The following IL6ST variants were observed in gnomAD, a reference collection of about 807,000 sequenced individuals.
IL6ST encodes the protein interleukin-6 receptor subunit beta.
A neutral mutation model predicts 91.3 loss-of-function variants in IL6ST; 24 were observed. That is an observed-to-expected ratio of 0.26 (90% CI 0.19 to 0.37). IL6ST has a LOEUF of 0.37. IL6ST is among the 10% of genes least tolerant of loss of function. The pLI is 1.00. For synonymous variants in IL6ST, 351 were observed against 373.6 expected (o/e 0.94, Z 0.70); for missense variants, 914 against 1,078.5 (o/e 0.85, Z 2.14).
Position 55,941,189 on chromosome 5 carries a change from G to T in IL6ST, c.2650C>A (p.Gln884Lys). 6.2e-7 allele frequency: 1 copy of T among 1,614,052 alleles called. No homozygotes were observed. Among genetic ancestry groups the T allele is most frequent in the Non-Finnish European group, 8.5e-7 (1 of 1,179,978 alleles). ...CCAACTGTTTCAAATCTTTCTACTT[G>T]TCCCTCAGTACCTGGACCAAAAGCA... ...ADAFGPGTEG[Q>K]VERFETVGME... Residue 884 changes from glutamine (Q) to lysine (K), a missense_variant, in exon 17 of 17, where the codon CAA becomes AAA. Physicochemically the swap from Gln to Lys is moderately conservative, Grantham distance 53. Transcript: ENST00000381298.
rs10059929 is a variant in IL6ST, at chr5:55,966,485, T to C, written c.491+1791A>G. Among the ~76,000 whole-genome samples the C allele has an allele frequency of 2.9e-3, 434 of 152,276 alleles. 5 individuals are homozygous for C. Among genetic ancestry groups the C allele is most frequent in the African/African-American group, 0.01 (420 of 41,542 alleles). ...AAACTCACTGAATGATACACTAAGA[T>C]TTGTGTTTTCACTATATGTAAATTT... On this transcript the variant is annotated intron_variant, in intron 5 of 16. Coordinates refer to ENST00000381298, the MANE Select transcript of IL6ST (RefSeq NM_002184.4).
intron 15 of IL6ST, among the ~76,000 whole-genome samples, 170 bp downstream of exon 15, chr5:55,947,322 TA>T (rs1262002612): frequency 6.6e-6 from 1 of 152,124 alleles, no homozygotes; most frequent in Non-Finnish European, 1.5e-5. Context: ...AAGGAAGCTT[TA>T]TAAAAGTGAT....
chr5:55,956,529 G>A (rs1751985566), intron 9 of IL6ST, among the ~76,000 whole-genome samples: 1 of 152,130 alleles, frequency 6.6e-6, no homozygotes, highest in Non-Finnish European at 1.5e-5. Flanking sequence ...TTTTATGCTT[G>A]AGTATTTTTC....
At position 55,951,576 on chromosome 5, in the gene IL6ST, TTC is replaced by T; in HGVS notation, c.1726_1727del (p.Glu576IlefsTer8). On this transcript the variant is annotated frameshift_variant, in exon 14 of 17. Coordinates refer to ENST00000381298, the MANE Select transcript of IL6ST (RefSeq NM_002184.4). LOFTEE classifies it high-confidence loss of function. ...CACTAGTCAAAGAGGACAATGTATA[TTC>T]TGTGTGGGAAGAATCCACATTCACA... is the stretch of plus-strand genomic sequence containing the variant. ...TAVNVDSSHT[E>X]YTLSSLTSDT... 6.2e-7 allele frequency: 1 copy of T among 1,612,542 alleles called. No homozygotes were observed. The highest frequency in any genetic ancestry group is 8.5e-7 in the Non-Finnish European group (1 of 1,179,140).
intron 5 of IL6ST, among the ~76,000 whole-genome samples, chr5:55,965,746 C>T (rs1752592918): frequency 6.7e-6 from 1 of 149,764 alleles, no homozygotes; most frequent in African/African-American, 2.5e-5. Context: ...ATCCCAGCCA[C>T]TCGGGAGGCA....
In IL6ST at chr5:55,963,475, C is replaced by T; in HGVS notation, c.690G>A (p.Val230=). 2 of 1,609,726 alleles carry T rather than the reference C, an allele frequency of 1.2e-6. No individual in the cohort carries two copies. Among genetic ancestry groups the T allele is most frequent in the Non-Finnish European group, 1.7e-6 (2 of 1,177,710 alleles). The change falls in exon 7 of 17, where the codon GTG becomes GTA. Residue 230 remains valine, a synonymous_variant. Transcript: ENST00000381298. ...VKPNPPHNLS[V]INSEELSSIL... ...TACTAGACAGTTCCTCTGAGTTGAT[C>T]ACTGATAAATTATGTGGCGGATTGG...
At chr5:55,957,376 T>C (rs1288526609) in intron 8 of IL6ST, 85 bp from the exon 9 acceptor site, 1 of 681,890 alleles carries the variant, frequency 1.5e-6, no homozygotes, top group East Asian at 3.0e-5. Flanking sequence ...ACTTTGTTCT[T>C]AATACTCTTG....
rs1217239047 is a variant in IL6ST at position 55,941,451 on chromosome 5, T to C, written c.2388A>G (p.Leu796=). 5 of 1,614,084 alleles carry C rather than the reference T, an allele frequency of 3.1e-6. No homozygotes were observed. Among genetic ancestry groups the C allele is most frequent in the Non-Finnish European group, 2.5e-6 (3 of 1,180,028 alleles). Residue 796 remains leucine, a synonymous_variant, in exon 17 of 17, where the codon CTA becomes CTG. Coordinates refer to ENST00000381298, the MANE Select transcript of IL6ST (RefSeq NM_002184.4). ...LLDSEERPED[L]QLVDHVDGGD... ...CGCCATCTACATGATCTACTAATTG[T>C]AGATCTTCTGGCCGCTCCTCTGAAT...
rs1231410805 is a variant in IL6ST, at chr5:55,959,622, T to C, written c.973+780A>G. 31 of 1,291,698 alleles carry C rather than the reference T, an allele frequency of 2.4e-5. No individual in the cohort carries two copies. In the Admixed American group the frequency reaches 7.1e-4, roughly 30 times the overall value. The allele number at this position is 1,291,698 out of a possible 1,614,324, so 80.0% of individuals were successfully genotyped here. A position where few individuals can be genotyped will look rare whatever the true frequency, so the allele number is the denominator to read the frequency against. ...TAGGAGAAAAAAGGAAAATAAAAAC[T>C]AACCAACCAAAATTCCAGGATCAAC... On this transcript the variant is annotated intron_variant, in intron 8 of 16. Coordinates refer to ENST00000381298, the MANE Select transcript of IL6ST (RefSeq NM_002184.4).
At chr5:55,963,025 C>T (rs1752413102) in intron 7 of IL6ST, among the ~76,000 whole-genome samples, 1 of 151,424 alleles carries the variant, frequency 6.6e-6, no homozygotes, top group South Asian at 2.1e-4. Context: ...AGGAGGATCA[C>T]TTAAGCTCGA....
rs544901552 is a variant in IL6ST at position 55,982,643 on chromosome 5, T to A, written c.-16+81A>T. On this transcript the variant is annotated intron_variant, in intron 2 of 16. Coordinates refer to ENST00000381298, the MANE Select transcript of IL6ST (RefSeq NM_002184.4). ...TTTAGTCTCCTAATATCCTAAAGAA[T>A]CAGGTGAGTAGGGCAGGGATTATTT... The A allele has an allele frequency of 4.5e-5, 18 of 396,440 alleles. No individual in the cohort carries two copies. The Admixed American group carries it at 7.9e-4, about 17-fold the overall frequency. 24.6% of individuals were successfully genotyped at this position (396,440 alleles called of 1,614,324 possible).
rs902528081 is a variant in IL6ST, at chr5:55,937,777, C to CT, written c.*3304dup. 2 of 192,112 alleles carry CT rather than the reference C, an allele frequency of 1.0e-5. No individual in the cohort carries two copies. Among genetic ancestry groups the CT allele is most frequent in the African/African-American group, 2.3e-5 (1 of 43,058 alleles). The allele number at this position is 192,112 out of a possible 1,614,324, so 11.9% of individuals were successfully genotyped here. ...AACTTTTGTCTTATGCAGCTTATAACTTTGTTATTTTATTCATCTCAACAA... is the reference window on the plus strand; with the variant it reads ...AACTTTTGTCTTATGCAGCTTATAACTTTTGTTATTTTATTCATCTCAACAA... On this transcript the variant is annotated 3_prime_UTR_variant, in exon 17 of 17. Coordinates refer to ENST00000381298, the MANE Select transcript of IL6ST (RefSeq NM_002184.4).
rs1561187190 is a variant in IL6ST, at chr5:55,969,610, T to C, written c.310A>G (p.Asn104Asp). ...IASLNIQLTC[N>D]ILTFGQLEQN... Reference sequence around the variant, plus strand: ...TCAAGCTGTCCGAATGTAAGAATGTTGCAAGTGAGCTGAATATTTAATGAA... The same window carrying C: ...TCAAGCTGTCCGAATGTAAGAATGTCGCAAGTGAGCTGAATATTTAATGAA... Residue 104 changes from asparagine to aspartate, a missense_variant, in exon 4 of 17, where the codon AAC becomes GAC. Transcript: ENST00000381298. The C allele has an allele frequency of 6.2e-7, 1 of 1,613,304 alleles. No individual in the cohort carries two copies. The highest frequency in any genetic ancestry group is 8.5e-7 in the Non-Finnish European group (1 of 1,179,408).
Position 55,977,592 on chromosome 5 carries a change from G to A in IL6ST, c.-15-1299C>T, listed in dbSNP as rs369474811. 1.4e-4 allele frequency among the ~76,000 whole-genome samples: 21 copies of A among 152,202 alleles called. No homozygotes were observed. In the South Asian group the frequency reaches 4.4e-3, roughly 32 times the overall value. On this transcript the variant is annotated intron_variant, in intron 2 of 16. Transcript: ENST00000381298. ...TGTAATCCCAGCACTTTGGGAGGCC[G>A]AGGTGGGCAGATCACTTGAGGTCAG... is the stretch of plus-strand genomic sequence containing the variant.
At chr5:55,952,584 G>A (rs746954451) in intron 11 of IL6ST, among the ~76,000 whole-genome samples, 1 of 152,102 alleles carries the variant, frequency 6.6e-6, no homozygotes, top group Non-Finnish European at 1.5e-5. Flanking sequence ...AACAATGATG[G>A]TATTTACATT....
chr5:55,945,040 C>CAAAAAAAAAAAAAA (rs368225632), intron 15 of IL6ST, among the ~76,000 whole-genome samples: 1 of 71,908 alleles, frequency 1.4e-5, no homozygotes, highest in Non-Finnish European at 3.7e-5. Context: ...GGAATTAAAT[C>CAAAAAAAAAAAAAA]AAAAAAAAAA....
At chr5:55,961,880 G>A (rs74856084) in intron 7 of IL6ST, among the ~76,000 whole-genome samples, 2,132 of 152,212 alleles carry the variant, frequency 0.014, 25 homozygotes, top group Non-Finnish European at 0.024. Flanking sequence ...ACAGTCACAA[G>A]GAAGCTAGAA....
chr5:55,965,636 T>G (rs918031631), intron 5 of IL6ST, among the ~76,000 whole-genome samples: 6 of 151,994 alleles, frequency 3.9e-5, no homozygotes, highest in African/African-American at 1.2e-4. Context: ...AGGAAATACA[T>G]GATGACCCTG....
intron 5 of IL6ST, among the ~76,000 whole-genome samples, chr5:55,965,433 A>G (rs559074956): frequency 3.3e-5 from 5 of 152,342 alleles, no homozygotes; most frequent in African/African-American, 1.2e-4. Context: ...TTGTATTTTT[A>G]AAAGATAGTA....
Sources: allele counts gnomAD v4.1 joint callset (sites outside exome capture counted in the v4.1 genomes callset), GRCh38; gene constraint gnomAD v4.1.1; transcripts MANE v1.5; gene names NCBI Gene and HGNC (gene_info 2026-07-23, HGNC 2026-07-21).